The following SC5D variants were observed in gnomAD, a reference collection of about 807,000 sequenced individuals.
SC5D encodes the protein lathosterol oxidase.
A neutral mutation model predicts 23.9 loss-of-function variants in SC5D; 21 were observed. The observed-to-expected ratio is 0.88, with a 90% CI of 0.62 to 1.26. SC5D has a LOEUF of 1.26. SC5D is among the 50% of genes most tolerant of loss of function. The pLI, the probability that SC5D is intolerant of heterozygous loss-of-function variation, is 0.00. For synonymous variants in SC5D, 113 were observed against 125.9 expected, an observed-to-expected ratio of 0.90 and a Z score of 0.68; for missense variants, 309 against 364.8, an observed-to-expected ratio of 0.85 and a Z score of 1.25.
chr11:121,304,781 TC>T, intron 3 of SC5D: 1 of 311,642 alleles, frequency 3.2e-6, no homozygotes, highest in Non-Finnish European at 6.1e-6. Context: ...AATTCAACCT[TC>T]TAAAAAAAAC....
Position 121,304,347 on chromosome 11 carries a change from A to G in SC5D, c.211-14A>G, listed in dbSNP as rs145206174. The G allele has an allele frequency of 1.7e-4, 272 of 1,612,838 alleles. No individual in the cohort carries two copies. The African/African-American group carries it at 3.2e-3, about 19-fold the overall frequency. On this transcript the variant is annotated splice_polypyrimidine_tract_variant and intron_variant, in intron 2 of 4. Transcript: ENST00000264027. ...GATTTTGTGATTTTTAAGTATTGGAAATTTCACTTTCAGAATCAAGTCCGT... is the reference window on the plus strand; with the variant it reads ...GATTTTGTGATTTTTAAGTATTGGAGATTTCACTTTCAGAATCAAGTCCGT...
At position 121,303,426 on chromosome 11, in the gene SC5D, G is replaced by C. The variant is rs1281705127; in HGVS notation, c.51G>C (p.Val17=). 1 of 1,613,940 alleles carries C rather than the reference G, an allele frequency of 6.2e-7. No individual in the cohort carries two copies. Among genetic ancestry groups the C allele is most frequent in the Non-Finnish European group, 8.5e-7 (1 of 1,179,962 alleles). Residue 17 remains valine (V), a synonymous_variant, in exon 2 of 5, where the codon GTG becomes GTC. Transcript: ENST00000264027. ...VADYYFFTPY[V]YPATWPEDDI... ...ATTACTATTTTTTTACACCATACGTGTATCCAGCCACATGGCCAGAAGATG... is the reference window on the plus strand; with the variant it reads ...ATTACTATTTTTTTACACCATACGTCTATCCAGCCACATGGCCAGAAGATG...
rs1057240152 is a variant in SC5D, at chr11:121,308,912, T to C, written c.*1400T>C. ...GAGTTATTGTCACAATGTCATCTTA[T>C]TTAAATGTACCAATTAGCATTTTGT... On this transcript the variant is annotated 3_prime_UTR_variant, in exon 5 of 5. Coordinates refer to ENST00000264027, the MANE Select transcript of SC5D (RefSeq NM_006918.5). 1.6e-4 allele frequency among the ~76,000 whole-genome samples: 25 copies of C among 152,378 alleles called. No homozygotes were observed. The highest frequency in any genetic ancestry group is 6.0e-4 in the African/African-American group (25 of 41,594).
chr11:121,296,029 A>G (rs888062602), intron 1 of SC5D, among the ~76,000 whole-genome samples: 3 of 152,080 alleles, frequency 2.0e-5, no homozygotes, highest in Admixed American at 6.6e-5. Context: ...CCGATAACCC[A>G]TATTTCTTTT....
intron 1 of SC5D, among the ~76,000 whole-genome samples, chr11:121,301,149 C>A (rs940634522): frequency 1.3e-5 from 2 of 152,146 alleles, no homozygotes; most frequent in South Asian, 4.1e-4. Flanking sequence ...TAGAAACTCT[C>A]TCTCAGAAAG....
chr11:121,306,798 G>A (rs1180620615), intron 4 of SC5D: 2 of 621,036 alleles, frequency 3.2e-6, no homozygotes, highest in East Asian at 2.8e-5. Context: ...GGTACAATGT[G>A]CACTCTTCAG....
Position 121,306,449 on chromosome 11 carries a change from G to A in SC5D, c.407G>A (p.Trp136Ter), listed in dbSNP as rs1417104311. 6.3e-7 allele frequency: 1 copy of A among 1,584,062 alleles called. No individual in the cohort carries two copies. The highest frequency in any genetic ancestry group is 1.7e-5 in the Admixed American group (1 of 59,984). ...FLFFTDMFIY[W>*]IHRGLHHRLV... is the part of the protein sequence containing the mutation. ...TTTTTCACTGACATGTTCATCTACT[G>A]GATTCACAGAGGCCTTCATCATAGA... is the stretch of plus-strand genomic sequence containing the variant. Residue 136 changes from tryptophan to a stop codon, truncating the protein, a stop_gained, in exon 4 of 5, where the codon TGG becomes TAG. Transcript: ENST00000264027. LOFTEE classifies it high-confidence loss of function.
At chr11:121,301,756 A>G (rs1237413771) in intron 1 of SC5D, among the ~76,000 whole-genome samples, 2 of 152,194 alleles carry the variant, frequency 1.3e-5, no homozygotes, top group Admixed American at 6.5e-5. Context: ...TATGTGAATT[A>G]TATCTCAATA....
chr11:121,304,047 A>G (rs1332740258), intron 2 of SC5D: 1 of 324,870 alleles, frequency 3.1e-6, no homozygotes, highest in African/African-American at 2.2e-5. Context: ...AGCAAAAAGA[A>G]AAAATAGAGA....
At chr11:121,293,334 C>T (rs1396304329) in intron 1 of SC5D, among the ~76,000 whole-genome samples, 1 of 152,218 alleles carries the variant, frequency 6.6e-6, no homozygotes, top group Non-Finnish European at 1.5e-5. Flanking sequence ...GAATGCTTTA[C>T]TTTTCCCTTC....
chr11:121,300,451 A>G (rs924882999), intron 1 of SC5D, among the ~76,000 whole-genome samples: 9 of 152,196 alleles, frequency 5.9e-5, no homozygotes, highest in East Asian at 1.9e-4. Flanking sequence ...CTCTCTGGCA[A>G]TTCTCAAGGC....
chr11:121,299,733 A>T (rs1241221535), intron 1 of SC5D, among the ~76,000 whole-genome samples: 2 of 152,044 alleles, frequency 1.3e-5, no homozygotes, highest in Admixed American at 6.5e-5. Flanking sequence ...ATACAAAAAA[A>T]TTTTTTCTTA....
chr11:121,300,044 T>C (rs573130646), intron 1 of SC5D, among the ~76,000 whole-genome samples: 37 of 152,206 alleles, frequency 2.4e-4, no homozygotes, highest in Non-Finnish European at 5.1e-4. Context: ...TAAGTAAGAA[T>C]GGTAGTAGAC....
At chr11:121,302,463 G>A (rs1336182495) in intron 1 of SC5D, among the ~76,000 whole-genome samples, 1 of 152,218 alleles carries the variant, frequency 6.6e-6, no homozygotes, top group Admixed American at 6.5e-5. Context: ...AGGACCATGA[G>A]TATAGAATGG....
intron 1 of SC5D, among the ~76,000 whole-genome samples, chr11:121,295,728 C>T (rs1947884325): frequency 1.3e-5 from 2 of 152,270 alleles, no homozygotes; most frequent in African/African-American, 4.8e-5. Flanking sequence ...ACCATCATTC[C>T]TTACCCACCC....
Position 121,309,308 on chromosome 11 carries a change from G to C in SC5D, c.*1796G>C, listed in dbSNP as rs1417615502. Among the ~76,000 whole-genome samples the C allele has an allele frequency of 6.6e-6, 1 of 152,182 alleles. No individual in the cohort carries two copies. Among genetic ancestry groups the C allele is most frequent in the Non-Finnish European group, 1.5e-5 (1 of 68,032 alleles). The stretch of plus-strand genomic sequence containing the variant: ...AAAAGTCTGTGTGGAAAATGTTTCT[G>C]GGTCAGGCCTGGAAGTGGTGCATAT... On this transcript the variant is annotated 3_prime_UTR_variant, in exon 5 of 5. Coordinates refer to ENST00000264027, the MANE Select transcript of SC5D (RefSeq NM_006918.5).
chr11:121,306,848 GTATA>G (rs1340714887), intron 4 of SC5D: 1 of 653,294 alleles, frequency 1.5e-6, no homozygotes, highest in African/African-American at 1.8e-5. Context: ...CCACTGTGCA[GTATA>G]TCCATGGAAC....
chr11:121,306,912 G>A (rs1947969987), intron 4 of SC5D, 145 bp from the exon 5 acceptor site: 5 of 769,426 alleles, frequency 6.5e-6, no homozygotes, highest in South Asian at 4.2e-5. Flanking sequence ...CTGTTTTAGG[G>A]CGAAGAAGGA....
chr11:121,296,280 A>G (rs919388376), intron 1 of SC5D, among the ~76,000 whole-genome samples: 3 of 152,134 alleles, frequency 2.0e-5, no homozygotes, highest in African/African-American at 7.2e-5. Context: ...AGAAAGTCCA[A>G]ATTCCTCAGC....
Sources: allele counts gnomAD v4.1 joint callset (sites outside exome capture counted in the v4.1 genomes callset), GRCh38; gene constraint gnomAD v4.1.1; transcripts MANE v1.5; gene names NCBI Gene and HGNC (gene_info 2026-07-23, HGNC 2026-07-21).